GRB10: variants seen among roughly 807,000 people sequenced by gnomAD.
The protein encoded by GRB10 is growth factor receptor-bound protein 10.
GRB10 carries 20 observed loss-of-function variants against 80.9 expected under a neutral mutation model. The ratio of observed to expected loss-of-function variants is 0.25; its 90% CI spans 0.17 to 0.36. GRB10 has a LOEUF of 0.36. Ranked by LOEUF, GRB10 falls within the 10% of genes least tolerant of loss-of-function variation. The pLI, the probability that GRB10 is intolerant of heterozygous loss-of-function variation, is 1.00. For missense variants in GRB10, 548 were observed against 747.7 expected (o/e 0.73, Z 3.12); for synonymous variants, 291 against 291.5 (o/e 1.00, Z 0.02).
chr7:50,777,971 G>C (rs1185128258), intron 2 of GRB10, among the ~76,000 whole-genome samples: 4 of 152,052 alleles, frequency 2.6e-5, no homozygotes, highest in African/African-American at 7.2e-5. Flanking sequence ...TTAATGCTTG[G>C]GGGGCTTAAA....
chr7:50,733,689 G>C (rs1295199549), intron 3 of GRB10, among the ~76,000 whole-genome samples: 1 of 152,220 alleles, frequency 6.6e-6, no homozygotes, highest in Admixed American at 6.5e-5. Context: ...GCAGCCCCAA[G>C]GCCTCAGCCT....
At chr7:50,628,226 T>C (rs1311416659) in intron 7 of GRB10, among the ~76,000 whole-genome samples, 1 of 152,238 alleles carries the variant, frequency 6.6e-6, no homozygotes, top group Non-Finnish European at 1.5e-5. Context: ...AAATAATCTT[T>C]GTCCCGCAAC....
intron 17 of GRB10, among the ~76,000 whole-genome samples, chr7:50,603,523 G>A (rs1253009374): frequency 6.6e-6 from 1 of 152,122 alleles, no homozygotes; most frequent in Non-Finnish European, 1.5e-5. Context: ...ACCTATCCTG[G>A]ACTGTCCAGC....
intron 3 of GRB10, 35 bp from the exon 4 acceptor site, chr7:50,732,403 G>GAAAA: frequency 2.2e-6 from 2 of 914,812 alleles, no homozygotes; most frequent in Non-Finnish European, 3.3e-6. Flanking sequence ...AGCCAAGCCA[G>GAAAA]AAAAAAAAAA....
chr7:50,622,963 T>A (rs1308581586), intron 8 of GRB10, among the ~76,000 whole-genome samples: 1 of 152,096 alleles, frequency 6.6e-6, no homozygotes. Flanking sequence ...GCCAAAAATA[T>A]CTTTTAAAAT....
At chr7:50,624,538 T>C (rs969564876) in intron 8 of GRB10, among the ~76,000 whole-genome samples, 2 of 152,200 alleles carry the variant, frequency 1.3e-5, no homozygotes, top group African/African-American at 4.8e-5. Flanking sequence ...TATGGTTGGG[T>C]CACAAAACAG....
intron 7 of GRB10, among the ~76,000 whole-genome samples, chr7:50,649,606 T>C (rs1027401271): frequency 2.6e-5 from 4 of 152,182 alleles, no homozygotes; most frequent in African/African-American, 7.2e-5. Flanking sequence ...AATGACTCTC[T>C]AGAAATCATA....
At chr7:50,604,256 G>C in intron 16 of GRB10, 55 bp downstream of exon 16, 1 of 1,437,080 alleles carries the variant, frequency 7.0e-7, no homozygotes, top group Non-Finnish European at 9.8e-7. Context: ...AGTGGAGGGG[G>C]GTGCTGTTTG....
chr7:50,674,917 T>C (rs1227957958), intron 5 of GRB10, among the ~76,000 whole-genome samples: 1 of 152,174 alleles, frequency 6.6e-6, no homozygotes, highest in Non-Finnish European at 1.5e-5. Context: ...GGAGAAGCCA[T>C]TCAGAGCATC....
chr7:50,749,365 G>C (rs1340936293), intron 3 of GRB10, among the ~76,000 whole-genome samples: 1 of 152,038 alleles, frequency 6.6e-6, no homozygotes. Flanking sequence ...CTGACCTCTG[G>C]TGATCCACCC....
chr7:50,783,968 C>T (rs558179301), upstream of GRB10, among the ~76,000 whole-genome samples: 1 of 152,212 alleles, frequency 6.6e-6, no homozygotes, highest in South Asian at 2.1e-4. Context: ...TGGTCATGAC[C>T]ACAAAATTCC....
intron 2 of GRB10, among the ~76,000 whole-genome samples, chr7:50,757,622 T>A (rs987299522): frequency 2.0e-5 from 3 of 152,262 alleles, no homozygotes; most frequent in Admixed American, 6.5e-5. Flanking sequence ...AGTATCAAGA[T>A]GATTATGTCG....
rs1420586856 is a variant in GRB10 at position 50,674,536 on chromosome 7, T to C, written c.262A>G (p.Ser88Gly). 2 of 1,611,494 alleles carry C rather than the reference T, an allele frequency of 1.2e-6. No individual in the cohort carries two copies. Among genetic ancestry groups the C allele is most frequent in the Non-Finnish European group, 1.7e-6 (2 of 1,179,996 alleles). ...GGAGGGCCTGAAGCCCGAGGCTGGC[T>C]GCGGGCATGCTGGCCATTCTGCAGG... ...PLLQNGQHAR[S>G]QPRASGPPRS... Residue 88 changes from serine to glycine, a missense_variant, in exon 6 of 19, where the codon AGC (serine) becomes GGC (glycine). Around this residue, in one of 4 missense-constraint regions of GRB10, gnomAD observed 245 missense variants for 229.3 expected, o/e 1.07. Transcript: ENST00000401949.
intron 17 of GRB10, among the ~76,000 whole-genome samples, chr7:50,602,128 A>G (rs968042608): frequency 4.3e-5 from 6 of 140,654 alleles, no homozygotes; most frequent in African/African-American, 1.5e-4. Flanking sequence ...TCGTTCTAAA[A>G]ATTGACAAGT....
intron 17 of GRB10, among the ~76,000 whole-genome samples, chr7:50,598,464 C>T (rs886085412): frequency 1.3e-5 from 2 of 152,126 alleles, no homozygotes; most frequent in South Asian, 4.1e-4. Context: ...CTCACCAGTC[C>T]ATCATAAATG....
intron 4 of GRB10, among the ~76,000 whole-genome samples, chr7:50,707,162 T>G (rs1394014461): frequency 2.0e-5 from 3 of 152,322 alleles, no homozygotes; most frequent in African/African-American, 7.2e-5. Flanking sequence ...TGAAAAACCT[T>G]CATTTGTGTT....
At chr7:50,614,949 C>G (rs750657295) in intron 11 of GRB10, 69 bp from the exon 12 acceptor site, 1 of 958,080 alleles carries the variant, frequency 1.0e-6, no homozygotes, top group Non-Finnish European at 1.7e-6. Context: ...CTCTGGTAGA[C>G]AGAGGGCAGT....
intron 2 of GRB10, among the ~76,000 whole-genome samples, chr7:50,768,078 C>T (rs1562663925): frequency 6.6e-6 from 1 of 152,156 alleles, no homozygotes; most frequent in Non-Finnish European, 1.5e-5. Context: ...TGCTGCCCAG[C>T]TGGGTCCGCT....
At position 50,605,496 on chromosome 7, in the gene GRB10, A is replaced by G. The variant is rs1585552845; in HGVS notation, c.1273-90T>C. ...AAACTATCATCAAGACGGTCAGGAA[A>G]GGGGAGCAGGGAATGCCTGCTTTCT... is the stretch of plus-strand genomic sequence containing the variant. On this transcript the variant is annotated intron_variant, in intron 14 of 18. Transcript: ENST00000401949. 7 of 1,069,706 alleles carry G rather than the reference A, an allele frequency of 6.5e-6. No homozygotes were observed. In the East Asian group the frequency reaches 1.7e-4, roughly 25 times the overall value. The allele number at this position is 1,069,706 out of a possible 1,614,324, so 66.3% of individuals were successfully genotyped here. A position where few individuals can be genotyped will look rare whatever the true frequency, so the allele number is the denominator to read the frequency against.
Sources: gnomAD v4.1 joint callset for allele counts (sites outside exome capture counted in the v4.1 genomes callset) on GRCh38, gnomAD v4.1.1 for gene constraint, gnomAD v4.1.1 regional missense constraint, MANE v1.5 for transcripts, NCBI Gene and HGNC (gene_info 2026-07-23, HGNC 2026-07-21) for gene names.